Variants in NTHL1 observed in about 807,000 individuals in gnomAD.
NTHL1 encodes the protein nth like DNA glycosylase 1.
In NTHL1, 32 loss-of-function variants were observed where a neutral mutation model predicts 32.3. The ratio of observed to expected loss-of-function variants is 0.99; its 90% CI spans 0.75 to 1.33. NTHL1 has a LOEUF of 1.33. Ranked by LOEUF, NTHL1 falls within the 40% of genes most tolerant of loss-of-function variation. NTHL1 has a pLI of 0.00. For missense variants in NTHL1, 501 were observed against 414.1 expected (o/e 1.21, Z -1.82); for synonymous variants, 188 against 176.9 (o/e 1.06, Z -0.50).
chr16:2,047,523 T>G, intron 1 of NTHL1, 186 bp downstream of exon 1: 10 of 1,037,588 alleles, frequency 9.6e-6, no homozygotes, highest in Non-Finnish European at 1.3e-5. Context: ...ACCCAGCCCC[T>G]GCGGACCGCA....
rs924417113 is a variant in NTHL1 at position 2,044,536 on chromosome 16, C to T, written c.525+94G>A. 46 of 1,532,742 alleles carry T rather than the reference C, an allele frequency of 3.0e-5. No homozygotes were observed. In the African/African-American group the frequency reaches 4.9e-4, roughly 16 times the overall value. 94.9% of individuals were successfully genotyped at this position (1,532,742 alleles called of 1,614,324 possible). A position where few individuals can be genotyped will look rare whatever the true frequency, so the allele number is the denominator to read the frequency against. On this transcript the variant is annotated intron_variant, in intron 3 of 5. Coordinates refer to ENST00000651570, the MANE Select transcript of NTHL1 (RefSeq NM_002528.7). This position sits in a 1 kb window ranked among gnomAD's most constrained non-coding sequence, Gnocchi z 5.0. ...ACCCCCCGAGCCTGAGATGCTTGACCCTCACTTCCTGCACCGTCGCCACCC... is the reference window on the plus strand; with the variant it reads ...ACCCCCCGAGCCTGAGATGCTTGACTCTCACTTCCTGCACCGTCGCCACCC...
Position 2,043,650 on chromosome 16 carries a change from G to T in NTHL1, c.602C>A (p.Ala201Asp). Residue 201 changes from alanine to aspartate, a missense_variant, in exon 4 of 6, where the codon GCC becomes GAC. Transcript: ENST00000651570. The surrounding 1 kb of genome is among the most constrained non-coding windows in gnomAD (Gnocchi z 4.4). ...AACACCCGGCAGCGCCACCAGCTCG[G>T]CCACAGAGGCTGGGATGTCCCCACC... ...HYGGDIPASV[A>D]ELVALPGVGP... 1.2e-6 allele frequency: 2 copies of T among 1,611,782 alleles called. No homozygotes were observed. The highest frequency in any genetic ancestry group is 1.1e-5 in the South Asian group (1 of 91,088).
At chr16:2,047,333 G>C (rs1242233051) in intron 1 of NTHL1, 4 of 298,694 alleles carry the variant, frequency 1.3e-5, no homozygotes, top group African/African-American at 6.8e-5. Context: ...CGAGCTGGGG[G>C]AGCAGGCTTC....
Position 2,043,130 on chromosome 16 carries a change from G to T in NTHL1, c.685+437C>A, listed in dbSNP as rs2084291986. On this transcript the variant is annotated intron_variant, in intron 4 of 5. Transcript: ENST00000651570. This position sits in a 1 kb window ranked among gnomAD's most constrained non-coding sequence, Gnocchi z 4.4. Reference sequence around the variant, plus strand: ...TTACAGATGCTGTTCCTTCTGCTGGGAACACACTTCCTCCTCTTGGCCTGG... The same window carrying T: ...TTACAGATGCTGTTCCTTCTGCTGGTAACACACTTCCTCCTCTTGGCCTGG... Among the ~76,000 whole-genome samples the T allele has an allele frequency of 6.6e-6, 1 of 150,734 alleles. No individual in the cohort carries two copies. Among genetic ancestry groups the T allele is most frequent in the African/African-American group, 2.4e-5 (1 of 40,868 alleles).
At chr16:2,047,507 C>T in intron 1 of NTHL1, 1 of 867,070 alleles carries the variant, frequency 1.2e-6, no homozygotes, top group Non-Finnish European at 1.7e-6. Context: ...GAGCGGAGCG[C>T]CCGAAACCCA....
At position 2,046,172 on chromosome 16, in the gene NTHL1, G is replaced by A. The variant is rs1306653290; in HGVS notation, c.310C>T (p.His104Tyr). The A allele has an allele frequency of 1.9e-6, 3 of 1,613,116 alleles. No homozygotes were observed. Among genetic ancestry groups the A allele is most frequent in the Admixed American group, 1.7e-5 (1 of 59,994 alleles). Residue 104 changes from histidine (H) to tyrosine (Y), a missense_variant, in exon 2 of 6, where the codon CAT (histidine) becomes TAT (tyrosine). Physicochemically the swap from His to Tyr is moderately conservative, Grantham distance 83. Coordinates refer to ENST00000651570, the MANE Select transcript of NTHL1 (RefSeq NM_002528.7). ...TCATAGCAGTGCTCAGTCCCCAGAT[G>A]GTCCACAGGTGCATCCTTTTTGTTC... ...MRNKKDAPVD[H>Y]LGTEHCYDSS...
rs760388875 is a variant in NTHL1, at chr16:2,047,811, T to G, written c.13A>C (p.Ser5Arg). 1 of 1,592,846 alleles carries G rather than the reference T, an allele frequency of 6.3e-7. No individual in the cohort carries two copies. The highest frequency in any genetic ancestry group is 8.5e-7 in the Non-Finnish European group (1 of 1,174,864). Reference sequence around the variant, plus strand: ...CGGCTCCGGGTCAGCATCCTCGCGCTCAAGGCGGTCATGCCGGACTCCTGC... The same window carrying G: ...CGGCTCCGGGTCAGCATCCTCGCGCGCAAGGCGGTCATGCCGGACTCCTGC... MTAL[S>R]ARMLTRSRSL... is the part of the protein sequence containing the mutation. Residue 5 changes from serine (S) to arginine (R), a missense_variant, in exon 1 of 6, where the codon AGC becomes CGC. Physicochemically the swap from Ser to Arg is moderately radical, Grantham distance 110. Coordinates refer to ENST00000651570, the MANE Select transcript of NTHL1 (RefSeq NM_002528.7).
rs910970950 is a variant in NTHL1, at chr16:2,043,472, C to T, written c.685+95G>A. ...CTGACTCTATGGGCTGGGTGGAGGA[C>T]CAGCATGCTGGAAGTGGAGTCACAG... On this transcript the variant is annotated intron_variant, in intron 4 of 5. Transcript: ENST00000651570. The surrounding 1 kb of genome is among the most constrained non-coding windows in gnomAD (Gnocchi z 4.4). 8.8e-5 allele frequency: 136 copies of T among 1,545,216 alleles called. No individual in the cohort carries two copies. Among genetic ancestry groups the T allele is most frequent in the Non-Finnish European group, 1.2e-4 (132 of 1,138,724 alleles).
Position 2,044,208 on chromosome 16 carries a change from C to T in NTHL1, c.525+422G>A. The T allele has an allele frequency of 3.0e-6, 1 of 337,464 alleles. No individual in the cohort carries two copies. Among genetic ancestry groups the T allele is most frequent in the East Asian group, 6.9e-5 (1 of 14,492 alleles). 20.9% of individuals were successfully genotyped at this position (337,464 alleles called of 1,614,324 possible). On this transcript the variant is annotated intron_variant, in intron 3 of 5. Transcript: ENST00000651570. This position sits in a 1 kb window ranked among gnomAD's most constrained non-coding sequence, Gnocchi z 5.0. ...GCCAAGGGGAAGCGGCCCCACCCAC[C>T]AAGCTGCTTTCAACAGATCCGCCCA...
intron 2 of NTHL1, among the ~76,000 whole-genome samples, chr16:2,045,781 C>T (rs2084341998): frequency 6.6e-6 from 1 of 152,180 alleles, no homozygotes; most frequent in South Asian, 2.1e-4. Context: ...CTCAGAGAGG[C>T]CTGTATCCAA....
intron 1 of NTHL1, among the ~76,000 whole-genome samples, 175 bp from the exon 2 acceptor site, chr16:2,046,541 A>G (rs2084403485): frequency 6.6e-6 from 1 of 152,090 alleles, no homozygotes; most frequent in Admixed American, 6.6e-5. Context: ...TCCTTATGCC[A>G]GCGACCCTGA....
intron 4 of NTHL1, chr16:2,040,474 G>A (rs1484954513): frequency 3.3e-6 from 2 of 599,270 alleles, no homozygotes; most frequent in South Asian, 1.9e-5. Flanking sequence ...GAGCCAGCCT[G>A]GGGGGCTCTG....
chr16:2,047,641 G>A (rs976060282), intron 1 of NTHL1, 68 bp downstream of exon 1: 2 of 1,511,088 alleles, frequency 1.3e-6, no homozygotes, highest in Admixed American at 2.1e-5. Context: ...CGCAGGAGGC[G>A]GCCCGGGACT....
In NTHL1 at chr16:2,039,861, G is replaced by A. The variant is rs1057084099; in HGVS notation, c.*63C>T. On this transcript the variant is annotated 3_prime_UTR_variant, in exon 6 of 6. Coordinates refer to ENST00000651570, the MANE Select transcript of NTHL1 (RefSeq NM_002528.7). ...CTTTATTCAACAGGCGTGGCTTCCT[G>A]AAGCGTAAAGCCACTTCACAGACGG... 2.5e-6 allele frequency: 4 copies of A among 1,594,028 alleles called. No homozygotes were observed. In the African/African-American group the frequency reaches 4.0e-5, roughly 16 times the overall value.
In NTHL1 at chr16:2,039,955, T is replaced by G. The variant is rs2084236461; in HGVS notation, c.884A>C (p.Gln295Pro). 1.2e-6 allele frequency: 2 copies of G among 1,606,450 alleles called. No homozygotes were observed. The highest frequency in any genetic ancestry group is 1.7e-6 in the Non-Finnish European group (2 of 1,179,872). The change falls in exon 6 of 6, where the codon CAA (glutamine) becomes CCA (proline). Residue 295 changes from glutamine to proline, a missense_variant. Gln to Pro is a moderately conservative substitution (Grantham distance 76). Transcript: ENST00000651570. ...ACCCTGGGCGGCCGGGCAGAGGGCT[T>G]GGTTGAGGCAGGCGTGGCAGCGAGG... ...VHPRCHACLN[Q>P]ALCPAAQGL is the part of the protein sequence containing the mutation.
At chr16:2,040,401 C>T (rs2084248709) in intron 4 of NTHL1, 163 bp from the exon 5 acceptor site, 1 of 709,246 alleles carries the variant, frequency 1.4e-6, no homozygotes, top group African/African-American at 1.7e-5. Context: ...TCTTGGCTGC[C>T]CCTGAGGTGC....
chr16:2,041,418 G>A (rs956484489), intron 4 of NTHL1, among the ~76,000 whole-genome samples: 10 of 152,148 alleles, frequency 6.6e-5, no homozygotes, highest in South Asian at 2.1e-4. Context: ...AGCTGGGACC[G>A]GAGCCAGCAA....
At chr16:2,041,873 G>A (rs1884805878) in intron 4 of NTHL1, 1 of 359,564 alleles carries the variant, frequency 2.8e-6, no homozygotes, top group Non-Finnish European at 5.5e-6. Flanking sequence ...CTCCCAAAGT[G>A]CTGGGATTAC....
At position 2,043,828 on chromosome 16, in the gene NTHL1, C is replaced by G; in HGVS notation, c.526-102G>C. 1.5e-6 allele frequency: 2 copies of G among 1,360,964 alleles called. No individual in the cohort carries two copies. Among genetic ancestry groups the G allele is most frequent in the Non-Finnish European group, 1.0e-6 (1 of 974,290 alleles). The allele number at this position is 1,360,964 out of a possible 1,614,324, so 84.3% of individuals were successfully genotyped here. Reference sequence around the variant, plus strand: ...CACAGGTGGCCAGAGCTACCTGCACCTGCTGAGGACGTGTGCAAGCTCAGC... The same window carrying G: ...CACAGGTGGCCAGAGCTACCTGCACGTGCTGAGGACGTGTGCAAGCTCAGC... On this transcript the variant is annotated intron_variant, in intron 3 of 5. Transcript: ENST00000651570. The surrounding 1 kb of genome is among the most constrained non-coding windows in gnomAD (Gnocchi z 4.4).
Sources: gnomAD v4.1 joint callset for allele counts (sites outside exome capture counted in the v4.1 genomes callset) on GRCh38, gnomAD v4.1.1 for gene constraint, Gnocchi (gnomAD v3.1) non-coding constraint, MANE v1.5 for transcripts, NCBI Gene and HGNC (gene_info 2026-07-23, HGNC 2026-07-21) for gene names.